The following GLMN variants were observed in gnomAD, a reference collection of about 807,000 sequenced individuals.
GLMN encodes the protein glomulin.
In GLMN, 75 loss-of-function variants were observed where a neutral mutation model predicts 87.8. That is an observed-to-expected ratio of 0.85 (90% CI 0.71 to 1.04). GLMN has a LOEUF of 1.04. Ranked by LOEUF, GLMN falls within the 50% of genes least tolerant of loss-of-function variation. GLMN has a pLI of 0.00. For synonymous variants in GLMN, 206 were observed against 221.6 expected, an observed-to-expected ratio of 0.93 and a Z score of 0.63; for missense variants, 588 against 658.8, an observed-to-expected ratio of 0.89 and a Z score of 1.18.
chr1:92,311,972 G>A, the GLMN span, among the ~76,000 whole-genome samples: 9 of 152,186 alleles, frequency 5.9e-5, no homozygotes, highest in Non-Finnish European at 1.0e-4. Context: ...GGGTGGTGGT[G>A]TCTATAGGTT....
chr1:92,297,121 T>C (rs1050639265), intron 3 of GLMN, among the ~76,000 whole-genome samples: 3 of 150,704 alleles, frequency 2.0e-5, no homozygotes, highest in African/African-American at 7.3e-5. Flanking sequence ...TTTTCTTTTT[T>C]TTTTTTTTTT....
At chr1:92,336,922 G>A in the GLMN span, among the ~76,000 whole-genome samples, 1 of 152,070 alleles carries the variant, frequency 6.6e-6, no homozygotes, top group African/African-American at 2.4e-5. Context: ...AAGAAAGGGA[G>A]AATAGAGAAT....
Position 92,281,893 on chromosome 1 carries a change from G to A in GLMN, c.735+4597C>T, listed in dbSNP as rs1479268460. 2.6e-5 allele frequency among the ~76,000 whole-genome samples: 4 copies of A among 151,982 alleles called. No individual in the cohort carries two copies. The East Asian group carries it at 7.7e-4, about 29-fold the overall frequency. On this transcript the variant is annotated intron_variant, in intron 7 of 18. Transcript: ENST00000370360. ...AGACAAAGAAGGCCACTACATAATG[G>A]TAAAGGGATAAATTCAACAAGAAGA...
chr1:92,264,132 A>G (rs1323893437), intron 14 of GLMN, among the ~76,000 whole-genome samples: 1 of 152,162 alleles, frequency 6.6e-6, no homozygotes, highest in Non-Finnish European at 1.5e-5. Context: ...CCTGGGCAAC[A>G]CAGTGAAACT....
chr1:92,251,361 A>G (rs1379677486), intron 16 of GLMN, among the ~76,000 whole-genome samples: 1 of 152,138 alleles, frequency 6.6e-6, no homozygotes, highest in Non-Finnish European at 1.5e-5. Flanking sequence ...TCAGTAAATT[A>G]AGGATAACCT....
chr1:92,282,510 C>T (rs1325388927), intron 7 of GLMN, among the ~76,000 whole-genome samples: 1 of 152,044 alleles, frequency 6.6e-6, no homozygotes, highest in East Asian at 1.9e-4. Context: ...TAAATGCCCA[C>T]AAAAGAAAGC....
the GLMN span, among the ~76,000 whole-genome samples, chr1:92,357,394 A>G: frequency 1.3e-5 from 2 of 152,252 alleles, no homozygotes. Flanking sequence ...TTGGGGGGCC[A>G]TACAAAGTTG....
the GLMN span, among the ~76,000 whole-genome samples, chr1:92,344,151 T>C: frequency 6.6e-6 from 1 of 152,186 alleles, no homozygotes; most frequent in Non-Finnish European, 1.5e-5. Flanking sequence ...AGCTCATACC[T>C]GTAATCCCAG....
the GLMN span, among the ~76,000 whole-genome samples, chr1:92,342,739 G>A: frequency 6.6e-6 from 1 of 152,120 alleles, no homozygotes. Flanking sequence ...CATTAGATTT[G>A]GTGACTGGCT....
intron 1 of GLMN, among the ~76,000 whole-genome samples, chr1:92,298,662 C>T (rs1650469912): frequency 6.6e-6 from 1 of 152,178 alleles, no homozygotes; most frequent in African/African-American, 2.4e-5. Flanking sequence ...CATCGCTTCT[C>T]CTGGCGGCAA....
Position 92,262,869 on chromosome 1 carries a change from G to T in GLMN, c.1467C>A (p.Asp489Glu). 8.8e-7 allele frequency: 1 copy of T among 1,130,722 alleles called. No homozygotes were observed. The highest frequency in any genetic ancestry group is 1.3e-6 in the Non-Finnish European group (1 of 744,734). The allele number at this position is 1,130,722 out of a possible 1,614,324, so 70.0% of individuals were successfully genotyped here. A position where few individuals can be genotyped will look rare whatever the true frequency, so the allele number is the denominator to read the frequency against. Residue 489 changes from aspartate to glutamate, a missense_variant, in exon 16 of 19, where the codon GAC (aspartate) becomes GAA (glutamate). Asp to Glu is a conservative substitution (Grantham distance 45). Transcript: ENST00000370360. ...TTTCAAATACTTCACTTACTTGATTGTCATTTTCATTATCTTTGATAACCA... is the reference window on the plus strand; with the variant it reads ...TTTCAAATACTTCACTTACTTGATTTTCATTTTCATTATCTTTGATAACCA... ...RYLVIKDNEN[D>E]NQTGLWTELG...
At chr1:92,363,159 A>C in the GLMN span, among the ~76,000 whole-genome samples, 3 of 152,222 alleles carry the variant, frequency 2.0e-5, no homozygotes, top group Non-Finnish European at 4.4e-5. Context: ...AAGGAAGTGG[A>C]GTCAGTAAAC....
At chr1:92,300,381 T>C, upstream of GLMN, 1 of 670,090 alleles carries the variant, frequency 1.5e-6, no homozygotes, top group Non-Finnish European at 2.6e-6. Context: ...GGAAGGCCTA[T>C]AAATTCTCAC....
chr1:92,307,327 GT>G, the GLMN span: 1 of 1,291,718 alleles, frequency 7.7e-7, no homozygotes, highest in Non-Finnish European at 1.1e-6. Flanking sequence ...CTAATAATTT[GT>G]TTCTGCTTTT....
the GLMN span, among the ~76,000 whole-genome samples, chr1:92,346,489 T>TA: frequency 6.6e-6 from 1 of 152,156 alleles, no homozygotes; most frequent in Non-Finnish European, 1.5e-5. Flanking sequence ...AAGAGACAAA[T>TA]ATCCTCATGT....
the GLMN span, among the ~76,000 whole-genome samples, chr1:92,331,686 G>A: frequency 6.6e-6 from 1 of 152,010 alleles, no homozygotes; most frequent in South Asian, 2.1e-4. Flanking sequence ...TATATTGCAA[G>A]ATTATTTATA....
intron 9 of GLMN, among the ~76,000 whole-genome samples, chr1:92,268,570 G>A (rs1439257192): frequency 6.6e-6 from 1 of 152,202 alleles, no homozygotes; most frequent in Non-Finnish European, 1.5e-5. Context: ...ATCACTGTAT[G>A]AATAACAGAA....
At position 92,247,085 on chromosome 1, in the gene GLMN, T is replaced by A; in HGVS notation, c.1645A>T (p.Met549Leu). The change falls in exon 18 of 19, where the codon ATG becomes TTG. Residue 549 changes from methionine (M) to leucine (L), a missense_variant. By Grantham distance (15) the Met-to-Leu change is conservative (BLOSUM62 2). Transcript: ENST00000370360. The part of the protein sequence containing the change: ...ITVSGEEIPN[M>L]PPEMQLKVLH... ...ACCTTAAGCTGCATTTCAGGAGGCA[T>A]ATTAGGGATCTCTTCTCCACTTACA... is the stretch of plus-strand genomic sequence containing the variant. 6.4e-7 allele frequency: 1 copy of A among 1,557,050 alleles called. No individual in the cohort carries two copies. The highest frequency in any genetic ancestry group is 8.9e-7 in the Non-Finnish European group (1 of 1,128,894).
At chr1:92,247,622 G>A (rs747461991) in intron 17 of GLMN, among the ~76,000 whole-genome samples, 1 of 152,098 alleles carries the variant, frequency 6.6e-6, no homozygotes, top group Non-Finnish European at 1.5e-5. Context: ...GTACCCAAAC[G>A]GAAATAGCTG....
Sources: allele counts gnomAD v4.1 joint callset (sites outside exome capture counted in the v4.1 genomes callset), GRCh38; gene constraint gnomAD v4.1.1; transcripts MANE v1.5; gene names NCBI Gene and HGNC (gene_info 2026-07-23, HGNC 2026-07-21).